Variants in CHM observed in about 807,000 individuals in gnomAD.
CHM encodes rab proteins geranylgeranyltransferase component A 1.
CHM carries 10 observed loss-of-function variants against 49.0 expected under a neutral mutation model. The ratio of observed to expected loss-of-function variants is 0.20; its 90% CI spans 0.13 to 0.35. The LOEUF (loss-of-function observed/expected upper bound fraction) is 0.35. Ranked by LOEUF, CHM falls within the 10% of genes least tolerant of loss-of-function variation. The pLI is 1.00. For synonymous variants in CHM, 184 were observed against 167.5 expected, an observed-to-expected ratio of 1.10 and a Z score of -0.76; for missense variants, 455 against 478.4, an observed-to-expected ratio of 0.95 and a Z score of 0.46.
intron 6 of CHM, 46 bp from the exon 7 acceptor site, chrX:85,958,021 T>C: frequency 8.4e-7 from 1 of 1,187,534 alleles, no homozygotes; most frequent in Middle Eastern, 2.4e-4. Flanking sequence ...TTCCTAATGA[T>C]ATAACTATTC....
At chrX:85,978,666 T>C (rs1435000716) in intron 4 of CHM, 101 bp downstream of exon 4, 10 of 876,006 alleles carry the variant, frequency 1.1e-5, no homozygotes, top group Non-Finnish European at 1.6e-5. Flanking sequence ...TTAACGTGAC[T>C]TGTAGCAACC....
At chrX:85,983,600 A>G (rs887089817) in intron 2 of CHM, among the ~76,000 whole-genome samples, 2 of 112,060 alleles carry the variant, frequency 1.8e-5, no homozygotes, top group African/African-American at 6.5e-5. Context: ...TACTGACACT[A>G]TATTTATTTG....
Position 85,894,247 on chromosome X carries a change from G to C in CHM, c.1451C>G (p.Thr484Ser), listed in dbSNP as rs1925673831. The C allele has an allele frequency of 8.3e-7, 1 of 1,208,365 alleles. No homozygotes were observed. The highest frequency in any genetic ancestry group is 2.2e-5 in the Admixed American group (1 of 45,662). Residue 484 changes from threonine to serine, a missense_variant, in exon 12 of 15, where the codon ACT (threonine) becomes AGT (serine). Thr to Ser is a moderately conservative substitution (Grantham distance 58). Coordinates refer to ENST00000357749, the MANE Select transcript of CHM (RefSeq NM_000390.4). ...TAACTCAATGACCCGAACAGCAAAA[G>C]TTCCTGGTTCCTCTGCTGGCACTGT... ...ILTVPAEEPG[T>S]FAVRVIELCS...
chrX:85,942,175 T>G (rs937470146), intron 8 of CHM, among the ~76,000 whole-genome samples: 3 of 110,166 alleles, frequency 2.7e-5, no homozygotes, highest in Non-Finnish European at 5.7e-5. Context: ...GACTAAGGCA[T>G]AGATATCATC....
At chrX:85,952,652 T>C (rs1332057435) in intron 8 of CHM, among the ~76,000 whole-genome samples, 1 of 112,508 alleles carries the variant, frequency 8.9e-6, no homozygotes, top group Non-Finnish European at 1.9e-5. Flanking sequence ...CTGTGGTATC[T>C]ATGGCAAAAG....
chrX:85,889,185 A>G (rs1460115812), intron 12 of CHM, among the ~76,000 whole-genome samples: 1 of 112,186 alleles, frequency 8.9e-6, no homozygotes, highest in African/African-American at 3.2e-5. Context: ...CCTCAAAAGC[A>G]ATTGCAACAA....
At chrX:85,981,592 T>C in intron 3 of CHM, 145 bp downstream of exon 3, 1 of 465,833 alleles carries the variant, frequency 2.1e-6, no homozygotes, top group Middle Eastern at 6.2e-4. Flanking sequence ...AAAAGGTGAC[T>C]TTACATATTT....
At chrX:86,034,187 G>C (rs1345891358) in intron 1 of CHM, among the ~76,000 whole-genome samples, 7 of 111,675 alleles carry the variant, frequency 6.3e-5, no homozygotes, top group Non-Finnish European at 1.3e-4. Context: ...CTTGGAATAA[G>C]TGACCCAAAG....
intron 8 of CHM, among the ~76,000 whole-genome samples, chrX:85,912,776 G>A (rs972077697): frequency 9.0e-6 from 1 of 110,956 alleles, no homozygotes; most frequent in African/African-American, 3.3e-5. Flanking sequence ...ACTTTGGGAG[G>A]CCGAGGCAGG....
At chrX:85,930,121 G>GT (rs1413560402) in intron 8 of CHM, among the ~76,000 whole-genome samples, 2 of 111,478 alleles carry the variant, frequency 1.8e-5, no homozygotes, top group African/African-American at 3.3e-5. Flanking sequence ...AAAAAAATAA[G>GT]TTTTTTAAAA....
chrX:85,928,693 G>A (rs183138538), intron 8 of CHM, among the ~76,000 whole-genome samples: 9 of 112,078 alleles, frequency 8.0e-5, no homozygotes, highest in Admixed American at 2.8e-4. Context: ...TTATGCATGT[G>A]GGATTCTATA....
chrX:85,911,634 T>A (rs1316547644), intron 8 of CHM, among the ~76,000 whole-genome samples: 1 of 109,733 alleles, frequency 9.1e-6, no homozygotes, highest in African/African-American at 3.3e-5. Flanking sequence ...CCTGCCTACC[T>A]AAGGTACAAA....
At chrX:85,990,387 G>A (rs530881349) in intron 2 of CHM, among the ~76,000 whole-genome samples, 4 of 111,494 alleles carry the variant, frequency 3.6e-5, no homozygotes, top group Middle Eastern at 4.6e-3. Flanking sequence ...TGGATACTGC[G>A]CTTAATACCT....
intron 8 of CHM, among the ~76,000 whole-genome samples, chrX:85,935,639 A>G (rs1480505044): frequency 8.9e-6 from 1 of 112,461 alleles, no homozygotes. Context: ...AACAACATAG[A>G]AAAGGTACAG....
chrX:85,958,387 T>TTGG (rs938529550), intron 6 of CHM, among the ~76,000 whole-genome samples: 7 of 111,542 alleles, frequency 6.3e-5, no homozygotes, highest in African/African-American at 2.3e-4. Flanking sequence ...CCCTACAGTT[T>TTGG]TGGTGCTGTG....
At chrX:85,988,651 G>A (rs1932034023) in intron 2 of CHM, among the ~76,000 whole-genome samples, 1 of 111,817 alleles carries the variant, frequency 8.9e-6, no homozygotes, top group Non-Finnish European at 1.9e-5. Context: ...CTTCAGCAAA[G>A]TTTCAGGATA....
chrX:85,964,095 AT>A (rs1603264588), intron 4 of CHM, 43 bp from the exon 5 acceptor site: 1 of 1,119,913 alleles, frequency 8.9e-7, no homozygotes, highest in African/African-American at 1.8e-5. Flanking sequence ...TTATATATAT[AT>A]TCCCTTACCC....
intron 12 of CHM, among the ~76,000 whole-genome samples, chrX:85,879,461 G>T (rs988533225): frequency 6.3e-5 from 7 of 110,803 alleles, no homozygotes; most frequent in African/African-American, 1.0e-4. Context: ...TAATTACAGG[G>T]TTATCTAAAA....
At chrX:86,035,465 T>G (rs1008789187) in intron 1 of CHM, among the ~76,000 whole-genome samples, 2 of 111,207 alleles carry the variant, frequency 1.8e-5, no homozygotes, top group Non-Finnish European at 3.8e-5. Flanking sequence ...CAGGAACATT[T>G]TGAAAAAATG....
Sources: allele counts gnomAD v4.1 joint callset (sites outside exome capture counted in the v4.1 genomes callset), GRCh38; gene constraint gnomAD v4.1.1; transcripts MANE v1.5; gene names NCBI Gene and HGNC (gene_info 2026-07-23, HGNC 2026-07-21).